CAMKMT: variants seen among roughly 807,000 people sequenced by gnomAD.
The protein encoded by CAMKMT is CaM KMT.
A neutral mutation model predicts 48.0 loss-of-function variants in CAMKMT; 53 were observed. The observed-to-expected ratio is 1.10, with a 90% CI of 0.89 to 1.39. The LOEUF (loss-of-function observed/expected upper bound fraction) is 1.39. CAMKMT is among the 40% of genes most tolerant of loss of function. The pLI, the probability that CAMKMT is intolerant of heterozygous loss-of-function variation, is 0.00. For missense variants in CAMKMT, 428 were observed against 402.7 expected, an observed-to-expected ratio of 1.06 and a Z score of -0.54; for synonymous variants, 165 against 152.3, an observed-to-expected ratio of 1.08 and a Z score of -0.61.
intron 3 of CAMKMT, among the ~76,000 whole-genome samples, chr2:44,568,952 G>A (rs1469620898): frequency 6.6e-6 from 1 of 152,200 alleles, no homozygotes; most frequent in Admixed American, 6.5e-5. Flanking sequence ...TCTTGGCTTA[G>A]AAGCAATGGT....
At chr2:44,670,472 G>A (rs147697075) in intron 3 of CAMKMT, among the ~76,000 whole-genome samples, 148 of 152,178 alleles carry the variant, frequency 9.7e-4, no homozygotes, top group African/African-American at 3.1e-3. Flanking sequence ...GCAGCAGAGC[G>A]AGATCTTCTC....
intron 3 of CAMKMT, among the ~76,000 whole-genome samples, chr2:44,419,669 G>C (rs922852527): frequency 9.2e-5 from 14 of 152,254 alleles, no homozygotes; most frequent in African/African-American, 3.4e-4. Flanking sequence ...CTGAACTTCT[G>C]GGCTCAAGTA....
intron 2 of CAMKMT, among the ~76,000 whole-genome samples, chr2:44,381,039 A>G (rs1422197089): frequency 3.3e-5 from 5 of 152,070 alleles, no homozygotes; most frequent in Non-Finnish European, 4.4e-5. Context: ...AGACACCTGT[A>G]ATCCCAGCTA....
intron 3 of CAMKMT, among the ~76,000 whole-genome samples, chr2:44,559,671 C>A (rs1019674901): frequency 1.3e-5 from 2 of 152,122 alleles, no homozygotes; most frequent in African/African-American, 2.4e-5. Context: ...TAGAGCTGAA[C>A]CCTCTATCTA....
chr2:44,484,255 A>C (rs1473157695), intron 3 of CAMKMT, among the ~76,000 whole-genome samples: 1 of 152,034 alleles, frequency 6.6e-6, no homozygotes, highest in Non-Finnish European at 1.5e-5. Context: ...AAATGTAAAG[A>C]ACCAATAATA....
At chr2:44,398,764 G>A (rs1682093934) in intron 3 of CAMKMT, among the ~76,000 whole-genome samples, 1 of 151,960 alleles carries the variant, frequency 6.6e-6, no homozygotes, top group African/African-American at 2.4e-5. Context: ...AAGTTGTTTG[G>A]ATTGTGGATA....
chr2:44,552,040 G>A (rs1375181316), intron 3 of CAMKMT, among the ~76,000 whole-genome samples: 1 of 151,998 alleles, frequency 6.6e-6, no homozygotes, highest in Non-Finnish European at 1.5e-5. Context: ...TTTGTTACAT[G>A]GACATATTGT....
chr2:44,531,456 C>G (rs185728826), intron 3 of CAMKMT, among the ~76,000 whole-genome samples: 2 of 152,212 alleles, frequency 1.3e-5, no homozygotes, highest in East Asian at 1.9e-4. Flanking sequence ...TGGCTGACAA[C>G]CACAACTGAC....
At chr2:44,621,266 C>CAAAAAAAAAAAAAAAAA (rs10667154) in intron 3 of CAMKMT, among the ~76,000 whole-genome samples, 4 of 84,524 alleles carry the variant, frequency 4.7e-5, no homozygotes, top group African/African-American at 2.1e-4. Flanking sequence ...GACTCCATCT[C>CAAAAAAAAAAAAAAAAA]AAAAAAAAAA....
At chr2:44,484,609 G>A (rs1451811921) in intron 3 of CAMKMT, among the ~76,000 whole-genome samples, 1 of 151,600 alleles carries the variant, frequency 6.6e-6, no homozygotes, top group African/African-American at 2.4e-5. Context: ...TAAATATAGA[G>A]GGTAAAGCAG....
At chr2:44,589,324 GC>G (rs1670114293) in intron 3 of CAMKMT, among the ~76,000 whole-genome samples, 2 of 53,028 alleles carry the variant, frequency 3.8e-5, no homozygotes, top group African/African-American at 7.9e-5. Context: ...CTTCTGCCCG[GC>G]CGCCCCTACT....
chr2:44,609,781 A>C (rs1671497476), intron 3 of CAMKMT, among the ~76,000 whole-genome samples: 1 of 152,202 alleles, frequency 6.6e-6, no homozygotes, highest in Non-Finnish European at 1.5e-5. Context: ...CATTTCCAGA[A>C]GGGTGGATTG....
chr2:44,741,929 G>C (rs1188821256), intron 7 of CAMKMT, among the ~76,000 whole-genome samples: 1 of 152,178 alleles, frequency 6.6e-6, no homozygotes, highest in Non-Finnish European at 1.5e-5. Context: ...ATTCTAAAGA[G>C]ACATTTATGG....
At chr2:44,455,522 A>T (rs574089850) in intron 3 of CAMKMT, among the ~76,000 whole-genome samples, 1 of 152,264 alleles carries the variant, frequency 6.6e-6, no homozygotes, top group East Asian at 1.9e-4. Flanking sequence ...ATTTAATGGG[A>T]TATGGTCTAA....
intron 3 of CAMKMT, among the ~76,000 whole-genome samples, chr2:44,694,029 A>G (rs994758451): frequency 2.6e-5 from 4 of 152,218 alleles, no homozygotes; most frequent in African/African-American, 9.6e-5. Context: ...TGTTGTCATC[A>G]TGGAGCAAGT....
At chr2:44,481,108 AT>A (rs1668944970) in intron 3 of CAMKMT, among the ~76,000 whole-genome samples, 1 of 151,992 alleles carries the variant, frequency 6.6e-6, no homozygotes, top group Admixed American at 6.6e-5. Flanking sequence ...TCCATTTCCC[AT>A]TTGGTGGATG....
At chr2:44,599,857 G>A (rs1265466008) in intron 3 of CAMKMT, among the ~76,000 whole-genome samples, 1 of 149,390 alleles carries the variant, frequency 6.7e-6, no homozygotes, top group Non-Finnish European at 1.5e-5. Context: ...TGTTTCTCTT[G>A]TTGTTTGCTT....
At chr2:44,598,588 C>G (rs1670805448) in intron 3 of CAMKMT, among the ~76,000 whole-genome samples, 1 of 150,656 alleles carries the variant, frequency 6.6e-6, no homozygotes, top group African/African-American at 2.5e-5. Context: ...ATGAAACCTA[C>G]TTAGAATGTT....
intron 1 of CAMKMT, among the ~76,000 whole-genome samples, 193 bp downstream of exon 1, chr2:44,362,338 G>A (rs1677972535): frequency 6.6e-6 from 1 of 152,158 alleles, no homozygotes; most frequent in Admixed American, 6.5e-5. Flanking sequence ...TGTGGGGTTG[G>A]GTGGGGAGCG....
Sources: gnomAD v4.1 joint callset for allele counts (sites outside exome capture counted in the v4.1 genomes callset) on GRCh38, gnomAD v4.1.1 for gene constraint, MANE v1.5 for transcripts, NCBI Gene and HGNC (gene_info 2026-07-23, HGNC 2026-07-21) for gene names.